Variants in NRG3 observed in about 807,000 individuals in gnomAD.
NRG3 encodes pro-neuregulin-3, membrane-bound isoform.
Under a neutral mutation model 66.9 loss-of-function variants are expected in NRG3, and 31 were observed. The ratio of observed to expected loss-of-function variants is 0.46; its 90% CI spans 0.35 to 0.63. The LOEUF (loss-of-function observed/expected upper bound fraction) is 0.63, where lower values mean the gene tolerates loss of function less well. Ranked by LOEUF, NRG3 falls within the 20% of genes least tolerant of loss-of-function variation. NRG3 has a pLI of 0.00. For missense variants in NRG3, 910 were observed against 878.9 expected (o/e 1.04, Z -0.45); for synonymous variants, 393 against 359.4 (o/e 1.09, Z -1.06).
intron 4 of NRG3, among the ~76,000 whole-genome samples, chr10:82,940,572 A>C (rs1848497861): frequency 6.6e-6 from 1 of 152,150 alleles, no homozygotes; most frequent in Non-Finnish European, 1.5e-5. Context: ...TGGGCTGCAT[A>C]ACAAAGTACC....
chr10:82,097,349 A>T (rs1166491825), intron 1 of NRG3, among the ~76,000 whole-genome samples: 1 of 145,028 alleles, frequency 6.9e-6, no homozygotes, highest in Non-Finnish European at 1.5e-5. Context: ...CGTTTATGTT[A>T]TTTTCAGTTT....
At chr10:82,412,538 G>GCTGA (rs1453755131) in intron 2 of NRG3, among the ~76,000 whole-genome samples, 1 of 152,158 alleles carries the variant, frequency 6.6e-6, no homozygotes, top group Non-Finnish European at 1.5e-5. Context: ...GTTGATGGCT[G>GCTGA]CTGACTGATC....
chr10:82,257,930 C>T (rs777346091), intron 1 of NRG3, among the ~76,000 whole-genome samples: 1 of 152,172 alleles, frequency 6.6e-6, no homozygotes, highest in Non-Finnish European at 1.5e-5. Context: ...CTGCTAACTA[C>T]AGGGCCTTAC....
At chr10:82,973,479 G>C (rs1016215053) in intron 6 of NRG3, among the ~76,000 whole-genome samples, 5 of 152,260 alleles carry the variant, frequency 3.3e-5, no homozygotes, top group Non-Finnish European at 5.9e-5. Flanking sequence ...ATACTTGTAA[G>C]TGCCTTTTGG....
At chr10:82,233,010 T>G in intron 1 of NRG3, 1 of 559,714 alleles carries the variant, frequency 1.8e-6, no homozygotes, top group South Asian at 2.4e-5. Context: ...GTGGGCAAGG[T>G]AGAGGAAATG....
intron 1 of NRG3, among the ~76,000 whole-genome samples, chr10:82,116,271 C>G (rs1251086282): frequency 2.0e-5 from 3 of 151,880 alleles, no homozygotes; most frequent in African/African-American, 4.8e-5. Context: ...AGAAAAAAAC[C>G]CTTAAAAGGA....
intron 1 of NRG3, among the ~76,000 whole-genome samples, chr10:82,054,245 G>A (rs1589932179): frequency 6.6e-6 from 1 of 152,282 alleles, no homozygotes; most frequent in Non-Finnish European, 1.5e-5. Flanking sequence ...GAGACCATTA[G>A]AAAGCTTTTT....
intron 1 of NRG3, among the ~76,000 whole-genome samples, chr10:82,002,274 C>T (rs1034698169): frequency 7.2e-5 from 11 of 152,152 alleles, no homozygotes; most frequent in Non-Finnish European, 1.3e-4. Context: ...CCTCAAACTT[C>T]TCTGAAAAGC....
intron 1 of NRG3, among the ~76,000 whole-genome samples, chr10:82,283,953 C>T (rs1206192984): frequency 6.6e-6 from 1 of 152,154 alleles, no homozygotes; most frequent in Non-Finnish European, 1.5e-5. Context: ...TTCTGGTTTG[C>T]TCGTAGTTTG....
intron 4 of NRG3, among the ~76,000 whole-genome samples, chr10:82,896,271 A>G (rs1843657355): frequency 1.3e-5 from 2 of 152,176 alleles, no homozygotes; most frequent in South Asian, 4.1e-4. Context: ...GTCCTACCAC[A>G]CCATTTACTC....
intron 2 of NRG3, among the ~76,000 whole-genome samples, chr10:82,452,831 A>G (rs2091080534): frequency 6.6e-6 from 1 of 152,188 alleles, no homozygotes; most frequent in African/African-American, 2.4e-5. Context: ...CCCAACATCC[A>G]TTGAGCACAT....
chr10:82,487,950 A>T (rs145471231), intron 2 of NRG3, among the ~76,000 whole-genome samples: 8 of 152,212 alleles, frequency 5.3e-5, no homozygotes, highest in African/African-American at 1.7e-4. Flanking sequence ...TTAGCAGACA[A>T]TTCTCAAGAT....
At chr10:82,739,393 C>T (rs890773931) in intron 3 of NRG3, among the ~76,000 whole-genome samples, 1 of 152,154 alleles carries the variant, frequency 6.6e-6, no homozygotes, top group African/African-American at 2.4e-5. Flanking sequence ...TTCATTGAAT[C>T]AGCGATTTAG....
intron 2 of NRG3, among the ~76,000 whole-genome samples, chr10:82,530,979 G>A (rs1427495461): frequency 6.6e-6 from 1 of 151,664 alleles, no homozygotes; most frequent in African/African-American, 2.4e-5. Context: ...AACAAAGAAA[G>A]GTACTGTAAA....
chr10:82,350,726 G>T (rs1194767755), intron 1 of NRG3, among the ~76,000 whole-genome samples: 1 of 152,162 alleles, frequency 6.6e-6, no homozygotes, highest in Non-Finnish European at 1.5e-5. Flanking sequence ...AGAAATGTGG[G>T]AAAGAGACTA....
At chr10:82,889,486 G>A (rs773543103) in intron 4 of NRG3, among the ~76,000 whole-genome samples, 5 of 152,182 alleles carry the variant, frequency 3.3e-5, no homozygotes, top group Non-Finnish European at 5.9e-5. Context: ...GTATTCAGGT[G>A]CAGAGGTGGA....
chr10:82,399,348 T>C (rs543357494), intron 2 of NRG3, among the ~76,000 whole-genome samples: 171 of 152,330 alleles, frequency 1.1e-3, no homozygotes, highest in African/African-American at 3.9e-3. Flanking sequence ...TTTCTTAAGA[T>C]GTCAGAAGAA....
intron 4 of NRG3, among the ~76,000 whole-genome samples, chr10:82,887,998 A>G (rs982746974): frequency 6.6e-6 from 1 of 152,186 alleles, no homozygotes; most frequent in Non-Finnish European, 1.5e-5. Context: ...TATTTAAATA[A>G]CCATTTAATT....
intron 1 of NRG3, among the ~76,000 whole-genome samples, chr10:82,177,301 C>T (rs1490301759): frequency 6.6e-6 from 1 of 151,932 alleles, no homozygotes; most frequent in Non-Finnish European, 1.5e-5. Context: ...TTGATCCTTT[C>T]TACAAAGGGT....
Sources: allele counts gnomAD v4.1 joint callset (sites outside exome capture counted in the v4.1 genomes callset), GRCh38; gene constraint gnomAD v4.1.1; transcripts MANE v1.5; gene names NCBI Gene and HGNC (gene_info 2026-07-23, HGNC 2026-07-21).